ADAM7: variants seen among roughly 807,000 people sequenced by gnomAD.
ADAM7 encodes ADAM metallopeptidase domain 7, also known as disintegrin and metalloproteinase domain-containing protein 7.
Under a neutral mutation model 102.9 loss-of-function variants are expected in ADAM7, and 97 were observed. The ratio of observed to expected loss-of-function variants is 0.94; its 90% CI spans 0.80 to 1.12. The LOEUF is 1.12. Ranked by LOEUF, ADAM7 falls within the 50% of genes most tolerant of loss-of-function variation. ADAM7 has a pLI of 0.00. For missense variants in ADAM7, 991 were observed against 908.7 expected, an observed-to-expected ratio of 1.09 and a Z score of -1.16; for synonymous variants, 334 against 304.4, an observed-to-expected ratio of 1.10 and a Z score of -1.01.
chr8:24,493,037 C>T lies in ADAM7; in HGVS notation c.1656-6C>T, dbSNP rs747897043. ...TCCAAGTTTGAATATTCTGCCTTTC[C>T]TTCAGAGATGTCAGATGTGGAAAGA... is the stretch of plus-strand genomic sequence containing the variant. On this transcript the variant is annotated splice_region_variant and splice_polypyrimidine_tract_variant and intron_variant, in intron 15 of 21. Transcript: ENST00000175238. The T allele has an allele frequency of 6.4e-7, 1 of 1,566,952 alleles. No individual in the cohort carries two copies. The highest frequency in any genetic ancestry group is 8.6e-7 in the Non-Finnish European group (1 of 1,162,958).
intron 8 of ADAM7, 110 bp from the exon 9 acceptor site, chr8:24,482,032 C>G: frequency 1.3e-6 from 1 of 771,458 alleles, no homozygotes; most frequent in Non-Finnish European, 2.0e-6. Flanking sequence ...TACTAATGTA[C>G]CTCACAAGTT....
chr8:24,455,118 T>C (rs1309275839), intron 3 of ADAM7, among the ~76,000 whole-genome samples: 1 of 152,122 alleles, frequency 6.6e-6, no homozygotes, highest in Non-Finnish European at 1.5e-5. Context: ...CTGTTGCATC[T>C]AGTTAATGTT....
chr8:24,460,423 T>C (rs1272092860), intron 3 of ADAM7, among the ~76,000 whole-genome samples: 1 of 152,060 alleles, frequency 6.6e-6, no homozygotes, highest in Non-Finnish European at 1.5e-5. Flanking sequence ...ATGATTGGCA[T>C]GGTTGGAATT....
chr8:24,445,873 T>G (rs1404169725), intron 2 of ADAM7, among the ~76,000 whole-genome samples: 3 of 152,222 alleles, frequency 2.0e-5, no homozygotes, highest in African/African-American at 7.2e-5. Flanking sequence ...TGTTCCTTCC[T>G]GGCTCAGAGC....
At position 24,476,487 on chromosome 8, in the gene ADAM7, G is replaced by T. The variant is rs1287591198; in HGVS notation, c.688G>T (p.Val230Phe). The T allele has an allele frequency of 6.2e-7, 1 of 1,607,828 alleles. No individual in the cohort carries two copies. The change falls in exon 8 of 22, where the codon GTC becomes TTC. Residue 230 changes from valine (V) to phenylalanine (F), a missense_variant. Coordinates refer to ENST00000175238, the MANE Select transcript of ADAM7 (RefSeq NM_003817.4). Reference protein sequence around the residue: ...NKLRNRIWGMVNFVNMIYKTL... With the variant: ...NKLRNRIWGMFNFVNMIYKTL... Reference sequence around the variant, plus strand: ...ACTAAGGAACCGAATTTGGGGAATGGTCAATTTTGTCAACATGGTAAGATT... The same window carrying T: ...ACTAAGGAACCGAATTTGGGGAATGTTCAATTTTGTCAACATGGTAAGATT...
At position 24,441,043 on chromosome 8, in the gene ADAM7, G is replaced by T. The variant is rs1356872661; in HGVS notation, c.-66G>T. 3 of 1,455,028 alleles carry T rather than the reference G, an allele frequency of 2.1e-6. No individual in the cohort carries two copies. Among genetic ancestry groups the T allele is most frequent in the Non-Finnish European group, 2.9e-6 (3 of 1,036,388 alleles). 90.1% of individuals were successfully genotyped at this position (1,455,028 alleles called of 1,614,324 possible). On this transcript the variant is annotated 5_prime_UTR_variant, in exon 1 of 22. Coordinates refer to ENST00000175238, the MANE Select transcript of ADAM7 (RefSeq NM_003817.4). ...GGTGCTTCATCCCTGCAGTGGAAGT[G>T]AGGAGGAAGAAAGGTGAACTCCTTT...
At chr8:24,447,346 A>T (rs1818599830) in intron 3 of ADAM7, 84 bp downstream of exon 3, 1 of 640,906 alleles carries the variant, frequency 1.6e-6, no homozygotes, top group African/African-American at 1.9e-5. Flanking sequence ...AGTGAAGAGG[A>T]TTCCTCAATT....
chr8:24,492,146 TTC>T, intron 14 of ADAM7, 48 bp downstream of exon 14: 1 of 1,545,900 alleles, frequency 6.5e-7, no homozygotes, highest in Non-Finnish European at 8.8e-7. Flanking sequence ...TGGCCTCTAT[TTC>T]TCTGTTATTG....
chr8:24,497,095 C>T (rs1820585858), intron 16 of ADAM7, among the ~76,000 whole-genome samples: 1 of 152,136 alleles, frequency 6.6e-6, no homozygotes, highest in South Asian at 2.1e-4. Context: ...CTGAGTAAGT[C>T]TCATGAGATC....
chr8:24,454,324 CTGCTT>C (rs1364655354), intron 3 of ADAM7, among the ~76,000 whole-genome samples: 2 of 152,248 alleles, frequency 1.3e-5, no homozygotes, highest in Admixed American at 6.5e-5. Context: ...AGCTTCCTGG[CTGCTT>C]TGTTTACCTA....
chr8:24,475,784 T>C, intron 7 of ADAM7: 2 of 274,116 alleles, frequency 7.3e-6, no homozygotes, highest in South Asian at 7.6e-5. Flanking sequence ...CCTTATGTTA[T>C]TATTAAGTAC....
chr8:24,489,392 C>T (rs999472244), intron 12 of ADAM7, 59 bp downstream of exon 12: 14 of 1,484,820 alleles, frequency 9.4e-6, no homozygotes, highest in South Asian at 1.4e-5. Context: ...AGAACCTAGG[C>T]AGGGATGTGG....
At chr8:24,471,176 T>C (rs1463319908) in intron 7 of ADAM7, among the ~76,000 whole-genome samples, 1 of 152,100 alleles carries the variant, frequency 6.6e-6, no homozygotes, top group Admixed American at 6.6e-5. Context: ...AGCTATAGAA[T>C]GTGTTTGATT....
chr8:24,476,421 T>C lies in ADAM7; in HGVS notation c.634-12T>C. 1 of 1,578,586 alleles carries C rather than the reference T, an allele frequency of 6.3e-7. No homozygotes were observed. Among genetic ancestry groups the C allele is most frequent in the African/African-American group, 1.3e-5 (1 of 74,110 alleles). The stretch of plus-strand genomic sequence containing the variant: ...TTATTAATGAATATTAATATGATAT[T>C]TATATTTCCAGTATCGCAGAAATGG... On this transcript the variant is annotated splice_polypyrimidine_tract_variant and intron_variant, in intron 7 of 21. Coordinates refer to ENST00000175238, the MANE Select transcript of ADAM7 (RefSeq NM_003817.4).
At chr8:24,491,047 T>C (rs1563392252) in intron 13 of ADAM7, among the ~76,000 whole-genome samples, 159 bp downstream of exon 13, 2 of 152,194 alleles carry the variant, frequency 1.3e-5, no homozygotes, top group African/African-American at 2.4e-5. Context: ...CTCCAACATC[T>C]GAGCATTGGG....
chr8:24,489,085 T>C, intron 11 of ADAM7, 74 bp from the exon 12 acceptor site: 2 of 1,355,276 alleles, frequency 1.5e-6, no homozygotes, highest in Non-Finnish European at 2.0e-6. Flanking sequence ...AAATGCTTCA[T>C]AAAATGCTCA....
intron 20 of ADAM7, 72 bp downstream of exon 20, chr8:24,501,648 A>G: frequency 8.5e-7 from 1 of 1,170,574 alleles, no homozygotes; most frequent in South Asian, 1.5e-5. Flanking sequence ...TGTTTAAAGT[A>G]GAACCCGTCC....
chr8:24,472,460 A>T (rs1819639327), intron 7 of ADAM7, among the ~76,000 whole-genome samples: 1 of 152,054 alleles, frequency 6.6e-6, no homozygotes, highest in Non-Finnish European at 1.5e-5. Flanking sequence ...AAATTAAACC[A>T]CTAAAAGACT....
intron 8 of ADAM7, among the ~76,000 whole-genome samples, chr8:24,477,566 A>C (rs1277254125): frequency 3.4e-5 from 1 of 29,850 alleles, no homozygotes; most frequent in Non-Finnish European, 7.4e-5. Flanking sequence ...GCATACCCTC[A>C]TCAGTGTGTG....
Sources: gnomAD v4.1 joint callset for allele counts (sites outside exome capture counted in the v4.1 genomes callset) on GRCh38, gnomAD v4.1.1 for gene constraint, MANE v1.5 for transcripts, NCBI Gene and HGNC (gene_info 2026-07-23, HGNC 2026-07-21) for gene names.